The following CRPPA variants were observed in gnomAD, a reference collection of about 807,000 sequenced individuals.
The protein encoded by CRPPA is D-ribitol-5-phosphate cytidylyltransferase.
A neutral mutation model predicts 52.0 loss-of-function variants in CRPPA; 43 were observed. That is an observed-to-expected ratio of 0.83 (90% CI 0.65 to 1.07). The LOEUF (loss-of-function observed/expected upper bound fraction) is 1.07. Among genes scored for constraint, CRPPA ranks in the 50% least tolerant of loss-of-function variants. The pLI, the probability that CRPPA is intolerant of heterozygous loss-of-function variation, is 0.00. For synonymous variants in CRPPA, 250 were observed against 203.5 expected, an observed-to-expected ratio of 1.23 and a Z score of -1.94; for missense variants, 629 against 551.7, an observed-to-expected ratio of 1.14 and a Z score of -1.40.
At chr7:16,154,359 C>A (rs1320407350) in intron 9 of CRPPA, among the ~76,000 whole-genome samples, 1 of 152,026 alleles carries the variant, frequency 6.6e-6, no homozygotes, top group Non-Finnish European at 1.5e-5. Flanking sequence ...TCCAACCCCC[C>A]AACAGACCCT....
intron 2 of CRPPA, among the ~76,000 whole-genome samples, chr7:16,388,591 G>A (rs1358784465): frequency 6.6e-6 from 1 of 152,118 alleles, no homozygotes; most frequent in Non-Finnish European, 1.5e-5. Flanking sequence ...AATAACAGTT[G>A]AGGCTGGGCG....
chr7:16,313,706 T>C (rs1785085337), intron 3 of CRPPA, among the ~76,000 whole-genome samples: 1 of 152,028 alleles, frequency 6.6e-6, no homozygotes, highest in Non-Finnish European at 1.5e-5. Flanking sequence ...CATTCCAAAA[T>C]TTTGATGCGT....
At chr7:16,174,209 A>G (rs1781248362) in intron 9 of CRPPA, among the ~76,000 whole-genome samples, 2 of 152,194 alleles carry the variant, frequency 1.3e-5, no homozygotes, top group African/African-American at 2.4e-5. Context: ...GCCCAATAGC[A>G]TCATCCTGAT....
intron 3 of CRPPA, among the ~76,000 whole-genome samples, chr7:16,310,239 T>C (rs6958419): frequency 0.55 from 83,973 of 151,798 alleles, 24,169 homozygotes; most frequent in African/African-American, 0.71. Context: ...TCTGCCTCCC[T>C]AGACTTGGCC....
intron 5 of CRPPA, among the ~76,000 whole-genome samples, chr7:16,284,091 G>T (rs1419090780): frequency 6.6e-6 from 1 of 151,882 alleles, no homozygotes; most frequent in African/African-American, 2.4e-5. Flanking sequence ...TTTTTTAAAA[G>T]ATTATTAGGA....
chr7:16,174,899 G>A (rs1381528869), intron 9 of CRPPA, among the ~76,000 whole-genome samples: 1 of 152,136 alleles, frequency 6.6e-6, no homozygotes, highest in Admixed American at 6.5e-5. Context: ...CTCTTTGTCA[G>A]AGAGAAGGGG....
intron 5 of CRPPA, among the ~76,000 whole-genome samples, chr7:16,289,148 G>A (rs1324781201): frequency 6.6e-6 from 1 of 151,964 alleles, no homozygotes; most frequent in South Asian, 2.1e-4. Flanking sequence ...TACCAAGATC[G>A]AAAGAGGAGG....
chr7:16,286,816 G>C (rs1784461647), intron 5 of CRPPA, among the ~76,000 whole-genome samples: 1 of 152,144 alleles, frequency 6.6e-6, no homozygotes, highest in Non-Finnish European at 1.5e-5. Context: ...TACTCAGGTA[G>C]AAATCACTGC....
intron 9 of CRPPA, among the ~76,000 whole-genome samples, chr7:16,160,301 T>A (rs1783275860): frequency 6.6e-6 from 1 of 152,196 alleles, no homozygotes; most frequent in Non-Finnish European, 1.5e-5. Context: ...TGGCTTTAGG[T>A]AGTAACACTT....
chr7:16,382,596 T>C (rs1483531683), intron 2 of CRPPA, among the ~76,000 whole-genome samples: 1 of 152,070 alleles, frequency 6.6e-6, no homozygotes, highest in African/African-American at 2.4e-5. Flanking sequence ...TTTTCCAACT[T>C]GGTTCCATTC....
At chr7:16,142,696 C>A (rs535498594) in intron 9 of CRPPA, among the ~76,000 whole-genome samples, 2 of 152,148 alleles carry the variant, frequency 1.3e-5, no homozygotes, top group Admixed American at 1.3e-4. Context: ...TAGTATAGAT[C>A]TGTAATAATT....
At position 16,277,923 on chromosome 7, in the gene CRPPA, G is replaced by GA. The variant is rs575584527; in HGVS notation, c.933+205dup. On this transcript the variant is annotated intron_variant, in intron 6 of 9. Coordinates refer to ENST00000407010, the MANE Select transcript of CRPPA (RefSeq NM_001101426.4). ...TAAAGGTCGTCACACATGGACACTGGAAAAAAATCCACAAAAGGAATGAAA... is the reference window on the plus strand; with the variant it reads ...TAAAGGTCGTCACACATGGACACTGGAAAAAAAATCCACAAAAGGAATGAAA... Among the ~76,000 whole-genome samples the GA allele has an allele frequency of 3.8e-4, 58 of 152,044 alleles. No homozygotes were observed. The East Asian group carries it at 4.5e-3, about 12-fold the overall frequency.
intron 3 of CRPPA, among the ~76,000 whole-genome samples, chr7:16,350,126 T>C (rs1786109020): frequency 6.6e-6 from 1 of 151,542 alleles, no homozygotes. Flanking sequence ...AAAAAAAATG[T>C]CAACCAAGAA....
At chr7:16,105,282 G>A (rs560160771) in intron 9 of CRPPA, among the ~76,000 whole-genome samples, 1 of 152,252 alleles carries the variant, frequency 6.6e-6, no homozygotes, top group African/African-American at 2.4e-5. Context: ...CCATAGAAAC[G>A]AATGAAGTTA....
chr7:16,295,401 C>T (rs532558911), intron 5 of CRPPA, among the ~76,000 whole-genome samples: 1 of 152,128 alleles, frequency 6.6e-6, no homozygotes, highest in Admixed American at 6.5e-5. Flanking sequence ...AAATGGATTT[C>T]CAATTTTACC....
intron 8 of CRPPA, among the ~76,000 whole-genome samples, chr7:16,237,147 C>A (rs879686781): frequency 1.3e-5 from 2 of 152,188 alleles, no homozygotes; most frequent in Admixed American, 1.3e-4. Context: ...TACTTCTTTT[C>A]TCTCATTTAT....
chr7:16,150,048 AT>A (rs1783047709), intron 9 of CRPPA, among the ~76,000 whole-genome samples: 1 of 151,760 alleles, frequency 6.6e-6, no homozygotes, highest in Non-Finnish European at 1.5e-5. Context: ...GATACAGCTT[AT>A]TTTTTTAACC....
intron 9 of CRPPA, among the ~76,000 whole-genome samples, chr7:16,118,609 G>A (rs1782424234): frequency 6.6e-6 from 1 of 152,110 alleles, no homozygotes; most frequent in Non-Finnish European, 1.5e-5. Context: ...TAAAATGTTG[G>A]ACAAAGGAAA....
In CRPPA at chr7:16,089,501, ACAT is replaced by A; in HGVS notation, c.*2191_*2193del. Reference sequence around the variant, plus strand: ...CATATATACGGGTATATATGTACGTACATACATAGATATGGGTATATATGTACG... The same window carrying A: ...CATATATACGGGTATATATGTACGTAACATAGATATGGGTATATATGTACG... On this transcript the variant is annotated 3_prime_UTR_variant, in exon 10 of 10. Transcript: ENST00000407010. 3.8e-6 allele frequency: 1 copy of A among 261,046 alleles called. No individual in the cohort carries two copies. The highest frequency in any genetic ancestry group is 2.8e-5 in the African/African-American group (1 of 36,352). The allele number at this position is 261,046 out of a possible 1,614,324, so 16.2% of individuals were successfully genotyped here.
Sources: gnomAD v4.1 joint callset for allele counts (sites outside exome capture counted in the v4.1 genomes callset) on GRCh38, gnomAD v4.1.1 for gene constraint, MANE v1.5 for transcripts, NCBI Gene and HGNC (gene_info 2026-07-23, HGNC 2026-07-21) for gene names.